Variants in POF1B observed in about 807,000 individuals in gnomAD.
The protein encoded by POF1B is POF1B actin binding protein.
POF1B carries 53 observed loss-of-function variants against 55.3 expected under a neutral mutation model. That is an observed-to-expected ratio of 0.96 (90% CI 0.77 to 1.20). The LOEUF (loss-of-function observed/expected upper bound fraction) is 1.20. Ranked by LOEUF, POF1B falls within the 50% of genes most tolerant of loss-of-function variation. The pLI is 0.00. For synonymous variants in POF1B, 188 were observed against 148.3 expected (o/e 1.27, Z -1.95); for missense variants, 478 against 420.5 (o/e 1.14, Z -1.20).
intron 3 of POF1B, among the ~76,000 whole-genome samples, chrX:85,366,965 T>G (rs1379120763): frequency 9.0e-6 from 1 of 111,211 alleles, no homozygotes; most frequent in Non-Finnish European, 1.9e-5. Flanking sequence ...TTTTGTTCAT[T>G]TGTCTCCTCA....
chrX:85,298,296 C>T (rs1410858329), intron 15 of POF1B, among the ~76,000 whole-genome samples: 2 of 112,182 alleles, frequency 1.8e-5, no homozygotes, highest in Non-Finnish European at 3.8e-5. Context: ...GTAAAACCCC[C>T]TGGGGTCCTT....
intron 7 of POF1B, among the ~76,000 whole-genome samples, chrX:85,329,206 A>C (rs1421938420): frequency 8.9e-6 from 1 of 112,018 alleles, no homozygotes; most frequent in Non-Finnish European, 1.9e-5. Context: ...AATGCCTGGC[A>C]CATGGTGGAT....
chrX:85,371,540 C>T (rs778272895), intron 2 of POF1B, among the ~76,000 whole-genome samples: 9 of 111,205 alleles, frequency 8.1e-5, no homozygotes, highest in African/African-American at 9.8e-5. Flanking sequence ...TGCTGGAATT[C>T]CAACTCAGCA....
chrX:85,346,644 C>A (rs1416131210), intron 5 of POF1B, among the ~76,000 whole-genome samples: 1 of 110,012 alleles, frequency 9.1e-6, no homozygotes, highest in African/African-American at 3.3e-5. Flanking sequence ...GTATATGCAA[C>A]CTTTATGAGC....
chrX:85,328,495 C>T (rs956234487), intron 7 of POF1B, among the ~76,000 whole-genome samples: 6 of 111,311 alleles, frequency 5.4e-5, no homozygotes, highest in Non-Finnish European at 7.5e-5. Flanking sequence ...TGAGCCACTA[C>T]AAAATCTTAA....
At chrX:85,319,049 A>C (rs1932812045) in intron 7 of POF1B, among the ~76,000 whole-genome samples, 1 of 110,882 alleles carries the variant, frequency 9.0e-6, no homozygotes, top group Non-Finnish European at 1.9e-5. Flanking sequence ...TTCTTTGAGC[A>C]GTGTTTTCTA....
At chrX:85,334,739 C>T (rs1192099444) in intron 6 of POF1B, among the ~76,000 whole-genome samples, 1 of 111,589 alleles carries the variant, frequency 9.0e-6, no homozygotes, top group Admixed American at 9.5e-5. Flanking sequence ...CACCTCACTA[C>T]TGCCTTGGAA....
intron 4 of POF1B, among the ~76,000 whole-genome samples, chrX:85,354,300 C>G (rs1603068969): frequency 9.0e-6 from 1 of 110,559 alleles, no homozygotes; most frequent in African/African-American, 3.3e-5. Context: ...TGTAGAATAT[C>G]AAGTATAAAA....
intron 15 of POF1B, among the ~76,000 whole-genome samples, chrX:85,296,934 AT>A (rs199558154): frequency 0.15 from 16,080 of 108,969 alleles, 887 homozygotes; most frequent in South Asian, 0.18. Context: ...TCACAATTTA[AT>A]TTTTTTTTTA....
At chrX:85,359,519 A>G (rs368664860) in intron 4 of POF1B, 31 bp downstream of exon 4, 1 of 1,052,108 alleles carries the variant, frequency 9.5e-7, no homozygotes, top group East Asian at 3.1e-5. Context: ...ACTTCTAAAG[A>G]ATTATATGTT....
Position 85,279,361 on chromosome X carries a change from CAG to C in POF1B, c.*58_*59del. ...ATGGAAAAATAACAAAGTACTAATG[CAG>C]AGACACACACACAAAAAAAAAACGG... On this transcript the variant is annotated 3_prime_UTR_variant, in exon 17 of 17. Transcript: ENST00000262753. The C allele has an allele frequency of 2.8e-6, 3 of 1,078,797 alleles. No homozygotes were observed. The highest frequency in any genetic ancestry group is 3.8e-6 in the Non-Finnish European group (3 of 789,800). 88.9% of individuals were successfully genotyped at this position (1,078,797 alleles called of 1,213,427 possible).
intron 15 of POF1B, among the ~76,000 whole-genome samples, chrX:85,294,531 T>C (rs1346852686): frequency 8.9e-6 from 1 of 112,344 alleles, no homozygotes; most frequent in Non-Finnish European, 1.9e-5. Context: ...TTGATTTGCA[T>C]AAGTTGAACC....
chrX:85,349,969 A>G (rs1344333789), intron 5 of POF1B, among the ~76,000 whole-genome samples: 1 of 110,971 alleles, frequency 9.0e-6, no homozygotes, highest in Non-Finnish European at 1.9e-5. Context: ...TGGTTATAGT[A>G]ACAACTCTGC....
intron 6 of POF1B, among the ~76,000 whole-genome samples, chrX:85,341,506 G>T (rs146926474): frequency 9.0e-6 from 1 of 111,147 alleles, no homozygotes; most frequent in African/African-American, 3.3e-5. Flanking sequence ...ATAGTAAGAG[G>T]TTGCAGAGGT....
chrX:85,326,007 G>A (rs1932892804), intron 7 of POF1B, among the ~76,000 whole-genome samples: 1 of 111,139 alleles, frequency 9.0e-6, no homozygotes, highest in Non-Finnish European at 1.9e-5. Context: ...TATTGGGCCA[G>A]GCTTTGATAT....
At chrX:85,334,331 A>C (rs1181471056) in intron 6 of POF1B, among the ~76,000 whole-genome samples, 1 of 111,270 alleles carries the variant, frequency 9.0e-6, no homozygotes, top group African/African-American at 3.3e-5. Flanking sequence ...CTGATGAATG[A>C]GAGCTATCTC....
chrX:85,330,757 T>A (rs368283238), intron 7 of POF1B, among the ~76,000 whole-genome samples, 192 bp downstream of exon 7: 59 of 111,581 alleles, frequency 5.3e-4, no homozygotes, highest in African/African-American at 1.9e-3. Flanking sequence ...ACATGGCGCA[T>A]GTATACATAT....
rs778831921 is a variant in POF1B at position 85,362,246 on chromosome X, A to G, written c.358-2616T>C. On this transcript the variant is annotated intron_variant, in intron 3 of 16. Coordinates refer to ENST00000262753, the MANE Select transcript of POF1B (RefSeq NM_024921.4). ...TTAAAGTTCTTTATTTCTTTCTCTT[A>G]CCTGTTTGCTCTGACCAGGACTCCC... is the stretch of plus-strand genomic sequence containing the variant. Among the ~76,000 whole-genome samples the G allele has an allele frequency of 3.6e-5, 4 of 110,205 alleles. No homozygotes were observed. The South Asian group carries it at 1.2e-3, about 32-fold the overall frequency.
chrX:85,377,247 A>G (rs757179406), intron 2 of POF1B, among the ~76,000 whole-genome samples: 28 of 111,739 alleles, frequency 2.5e-4, no homozygotes, highest in African/African-American at 9.1e-4. Flanking sequence ...TCTAGGTCCT[A>G]CTTTACATGA....
Sources: gnomAD v4.1 joint callset for allele counts (sites outside exome capture counted in the v4.1 genomes callset) on GRCh38, gnomAD v4.1.1 for gene constraint, MANE v1.5 for transcripts, NCBI Gene and HGNC (gene_info 2026-07-23, HGNC 2026-07-21) for gene names.